Variants in EDN1 observed in about 807,000 individuals in gnomAD.
The protein encoded by EDN1 is endothelin-1.
A neutral mutation model predicts 21.7 loss-of-function variants in EDN1; 11 were observed. That is an observed-to-expected ratio of 0.51 (90% CI 0.32 to 0.84). EDN1 has a LOEUF of 0.84. EDN1 is among the 40% of genes least tolerant of loss of function. The pLI is 0.03. For synonymous variants in EDN1, 85 were observed against 90.6 expected (o/e 0.94, Z 0.35); for missense variants, 244 against 262.3 (o/e 0.93, Z 0.48).
chr6:12,270,004 G>C, the EDN1 span, among the ~76,000 whole-genome samples: 53,415 of 151,706 alleles, frequency 0.35, 9,941 homozygotes, highest in Middle Eastern at 0.43. Flanking sequence ...GTTCTGCTCT[G>C]TTTTCTGTTT....
At chr6:12,251,012 G>T in the EDN1 span, among the ~76,000 whole-genome samples, 22 of 152,230 alleles carry the variant, frequency 1.4e-4, no homozygotes, top group African/African-American at 4.6e-4. Flanking sequence ...AGACTGAAAG[G>T]TTTGCTAAGG....
At chr6:12,272,627 T>TA in the EDN1 span, among the ~76,000 whole-genome samples, 757 of 150,908 alleles carry the variant, frequency 5.0e-3, 7 homozygotes, top group African/African-American at 0.018. Context: ...CCAGCTAATT[T>TA]TTTTTTTTTT....
chr6:12,279,224 T>C, the EDN1 span, among the ~76,000 whole-genome samples: 490 of 152,344 alleles, frequency 3.2e-3, 7 homozygotes, highest in African/African-American at 0.012. Flanking sequence ...TTTTATTTAC[T>C]AGTGTAAATC....
chr6:12,240,868 C>CT, the EDN1 span, among the ~76,000 whole-genome samples: 7 of 152,126 alleles, frequency 4.6e-5, no homozygotes, highest in Non-Finnish European at 8.8e-5. Context: ...TATCTTGTCT[C>CT]TTTTTTGCAT....
the EDN1 span, among the ~76,000 whole-genome samples, chr6:12,258,613 C>T: frequency 2.0e-5 from 3 of 152,112 alleles, no homozygotes; most frequent in East Asian, 3.8e-4. Flanking sequence ...TGAAAGTATT[C>T]GGAAAGCATC....
chr6:12,287,710 T>TCACACACACACA (rs1762579735), upstream of EDN1, among the ~76,000 whole-genome samples: 1 of 67,400 alleles, frequency 1.5e-5, no homozygotes, highest in Non-Finnish European at 3.3e-5. Context: ...TCTCTCTCTC[T>TCACACACACACA]CTCACACACA....
the EDN1 span, among the ~76,000 whole-genome samples, chr6:12,271,332 T>A: frequency 4.6e-5 from 7 of 152,152 alleles, no homozygotes; most frequent in African/African-American, 1.7e-4. Context: ...TTTCTCTTTC[T>A]CATTTGTGTA....
chr6:12,250,391 G>T, the EDN1 span, among the ~76,000 whole-genome samples: 2 of 152,104 alleles, frequency 1.3e-5, no homozygotes, highest in East Asian at 3.9e-4. Context: ...TAAAGGTTTT[G>T]CAGGATAATT....
At chr6:12,259,614 T>G in the EDN1 span, among the ~76,000 whole-genome samples, 1 of 151,686 alleles carries the variant, frequency 6.6e-6, no homozygotes, top group Admixed American at 6.6e-5. Flanking sequence ...AAAATCAAAG[T>G]GATGGAAAGA....
the EDN1 span, among the ~76,000 whole-genome samples, chr6:12,244,863 T>G: frequency 6.6e-6 from 1 of 152,328 alleles, no homozygotes; most frequent in African/African-American, 2.4e-5. Flanking sequence ...AACATTAAAT[T>G]ACAAGACTCA....
chr6:12,267,105 G>T, the EDN1 span, among the ~76,000 whole-genome samples: 4 of 152,050 alleles, frequency 2.6e-5, no homozygotes, highest in Non-Finnish European at 5.9e-5. Flanking sequence ...ATTGCCCTTC[G>T]CAGATATTGT....
At chr6:12,283,842 C>T in the EDN1 span, among the ~76,000 whole-genome samples, 1 of 152,238 alleles carries the variant, frequency 6.6e-6, no homozygotes, top group African/African-American at 2.4e-5. Flanking sequence ...TCTGGCCCTT[C>T]TTATCCATGT....
intron 2 of EDN1, among the ~76,000 whole-genome samples, chr6:12,293,405 G>A (rs985637228): frequency 1.2e-4 from 18 of 152,272 alleles, no homozygotes; most frequent in Non-Finnish European, 1.9e-4. Context: ...TGGTACCACC[G>A]ACTGGCAGGA....
chr6:12,254,679 A>G, the EDN1 span, among the ~76,000 whole-genome samples: 1 of 152,222 alleles, frequency 6.6e-6, no homozygotes, highest in Non-Finnish European at 1.5e-5. Flanking sequence ...AAAAGAAAAT[A>G]AATCAGAAAG....
At chr6:12,265,969 G>A in the EDN1 span, among the ~76,000 whole-genome samples, 5 of 152,162 alleles carry the variant, frequency 3.3e-5, no homozygotes, top group South Asian at 2.1e-4. Context: ...TCAGAGACTG[G>A]TCACTGCTTG....
the EDN1 span, among the ~76,000 whole-genome samples, chr6:12,266,818 A>G: frequency 6.6e-6 from 1 of 152,126 alleles, no homozygotes; most frequent in Non-Finnish European, 1.5e-5. Context: ...GCTGGAGTAG[A>G]ATTTTTCTGA....
the EDN1 span, among the ~76,000 whole-genome samples, chr6:12,255,371 G>A: frequency 1.3e-5 from 2 of 152,118 alleles, no homozygotes; most frequent in Non-Finnish European, 2.9e-5. Flanking sequence ...AGCTCATAAA[G>A]TCATTTCAAT....
chr6:12,287,690 T>C (rs1207794117), upstream of EDN1, among the ~76,000 whole-genome samples: 1 of 69,200 alleles, frequency 1.4e-5, no homozygotes, highest in Non-Finnish European at 3.1e-5. Context: ...TCTCTCTCCC[T>C]CTCTCTCTCT....
At chr6:12,278,288 C>T in the EDN1 span, among the ~76,000 whole-genome samples, 1 of 152,118 alleles carries the variant, frequency 6.6e-6, no homozygotes, top group Non-Finnish European at 1.5e-5. Context: ...GAATATTCTT[C>T]CCAGATTAAA....
Sources: gnomAD v4.1 joint callset for allele counts (sites outside exome capture counted in the v4.1 genomes callset) on GRCh38, gnomAD v4.1.1 for gene constraint, MANE v1.5 for transcripts, NCBI Gene and HGNC (gene_info 2026-07-23, HGNC 2026-07-21) for gene names.